Variants in ECPAS observed in about 807,000 individuals in gnomAD.
ECPAS encodes the protein proteasome adapter and scaffold protein ECM29.
Under a neutral mutation model 255.1 loss-of-function variants are expected in ECPAS, and 70 were observed. The observed-to-expected ratio is 0.27, with a 90% CI of 0.23 to 0.33. The LOEUF is 0.33. ECPAS is among the 10% of genes least tolerant of loss of function. ECPAS has a pLI of 1.00. For synonymous variants in ECPAS, 784 were observed against 775.0 expected (o/e 1.01, Z -0.19); for missense variants, 1,817 against 2,206.4 (o/e 0.82, Z 3.54).
intron 46 of ECPAS, among the ~76,000 whole-genome samples, chr9:111,368,087 A>G (rs1225849579): frequency 6.6e-6 from 1 of 151,952 alleles, no homozygotes; most frequent in African/African-American, 2.4e-5. Context: ...AGCAGGATGC[A>G]CTGTAGGACC....
chr9:111,465,546 A>G (rs1173654580), intron 2 of ECPAS, among the ~76,000 whole-genome samples: 1 of 152,054 alleles, frequency 6.6e-6, no homozygotes, highest in Non-Finnish European at 1.5e-5. Flanking sequence ...CTCCATGTCA[A>G]CATTACTCTC....
chr9:111,482,971 TC>T (rs1247139465), intron 1 of ECPAS, among the ~76,000 whole-genome samples: 5 of 152,220 alleles, frequency 3.3e-5, no homozygotes, highest in African/African-American at 1.2e-4. Flanking sequence ...CTCCTGCGGT[TC>T]GACCGGCGAC....
intron 31 of ECPAS, among the ~76,000 whole-genome samples, chr9:111,387,760 G>A (rs57861369): frequency 0.04 from 2,327 of 58,398 alleles, 72 homozygotes; most frequent in African/African-American, 0.14. Context: ...CTCACTCATC[G>A]TCAGTGCAGT....
chr9:111,399,893 G>C (rs1156409649), intron 24 of ECPAS, among the ~76,000 whole-genome samples: 1 of 152,264 alleles, frequency 6.6e-6, no homozygotes, highest in African/African-American at 2.4e-5. Flanking sequence ...CTTTGAAAAA[G>C]CATCAGCGGC....
At chr9:111,449,957 C>T (rs573090427) in intron 3 of ECPAS, among the ~76,000 whole-genome samples, 1 of 152,296 alleles carries the variant, frequency 6.6e-6, no homozygotes, top group African/African-American at 2.4e-5. Context: ...CTGGCTACTT[C>T]CTGCACACCA....
intron 5 of ECPAS, among the ~76,000 whole-genome samples, chr9:111,440,936 G>C (rs908361434): frequency 6.6e-6 from 1 of 151,964 alleles, no homozygotes; most frequent in African/African-American, 2.4e-5. Flanking sequence ...AGGCCGAGGC[G>C]GGCAGATGAC....
chr9:111,421,914 G>T lies in ECPAS; in HGVS notation c.1455+7C>A, dbSNP rs746228756. 6 of 1,613,038 alleles carry T rather than the reference G, an allele frequency of 3.7e-6. No individual in the cohort carries two copies. The highest frequency in any genetic ancestry group is 5.1e-6 in the Non-Finnish European group (6 of 1,179,630). On this transcript the variant is annotated splice_region_variant and intron_variant, in intron 15 of 49. Coordinates refer to ENST00000684092, the MANE Select transcript of ECPAS (RefSeq NM_001364929.1). Reference sequence around the variant, plus strand: ...CTACCCAGGCTTTGTAGTTCACACGGACCTACCTTTATTAAGTACGAAGCC... The same window carrying T: ...CTACCCAGGCTTTGTAGTTCACACGTACCTACCTTTATTAAGTACGAAGCC...
intron 12 of ECPAS, among the ~76,000 whole-genome samples, chr9:111,423,987 G>C (rs2098217943): frequency 6.6e-6 from 1 of 152,064 alleles, no homozygotes; most frequent in Admixed American, 6.6e-5. Flanking sequence ...GCAGGTAAGG[G>C]GACTCACACC....
intron 1 of ECPAS, among the ~76,000 whole-genome samples, chr9:111,482,065 C>CTACA (rs1341373775): frequency 2.0e-5 from 3 of 152,212 alleles, no homozygotes; most frequent in Non-Finnish European, 4.4e-5. Flanking sequence ...TCCCACTGAA[C>CTACA]TGTACACTTA....
At chr9:111,375,866 C>T (rs986841114) in intron 37 of ECPAS, among the ~76,000 whole-genome samples, 7 of 152,058 alleles carry the variant, frequency 4.6e-5, no homozygotes, top group African/African-American at 1.7e-4. Context: ...TGGATCTATA[C>T]CTTCAGAGTC....
At chr9:111,364,782 A>C (rs1205005344) in intron 48 of ECPAS, among the ~76,000 whole-genome samples, 1 of 152,230 alleles carries the variant, frequency 6.6e-6, no homozygotes, top group Non-Finnish European at 1.5e-5. Flanking sequence ...ACAGATGGAC[A>C]CTGTGTGCCT....
chr9:111,416,735 C>T (rs144873399), intron 17 of ECPAS, among the ~76,000 whole-genome samples: 336 of 152,228 alleles, frequency 2.2e-3, no homozygotes, highest in Non-Finnish European at 3.9e-3. Flanking sequence ...GAATCATGGC[C>T]GCTGCATACT....
In ECPAS at chr9:111,403,996, C is replaced by T. The variant is rs574327847; in HGVS notation, c.2652+4575G>A. 5.3e-5 allele frequency among the ~76,000 whole-genome samples: 8 copies of T among 149,656 alleles called. 1 individual carries two copies. The highest frequency in any genetic ancestry group is 2.1e-4 in the South Asian group (1 of 4,776). On this transcript the variant is annotated intron_variant, in intron 24 of 49. Transcript: ENST00000684092. The stretch of plus-strand genomic sequence containing the variant: ...AGAAATACATGGAAATTAAACAACA[C>T]GTTCCTGAACAACCAATGGATCTAT...
intron 21 of ECPAS, 160 bp downstream of exon 21, chr9:111,411,854 C>CT (rs1030090163): frequency 9.2e-5 from 55 of 595,836 alleles, no homozygotes; most frequent in African/African-American, 7.4e-4. Flanking sequence ...AGTGAGCTGA[C>CT]TGAACCAATG....
chr9:111,411,894 C>T, intron 21 of ECPAS, 120 bp downstream of exon 21: 2 of 901,328 alleles, frequency 2.2e-6, no homozygotes, highest in Non-Finnish European at 3.2e-6. Flanking sequence ...TCTTTATGGT[C>T]ATAAAAGCAA....
chr9:111,419,885 C>A, intron 16 of ECPAS, 132 bp downstream of exon 16: 1 of 613,194 alleles, frequency 1.6e-6, no homozygotes, highest in Non-Finnish European at 2.9e-6. Context: ...TATATCACAT[C>A]AAGAGCCATA....
chr9:111,430,275 G>A (rs2131841092), intron 9 of ECPAS, among the ~76,000 whole-genome samples: 1 of 152,158 alleles, frequency 6.6e-6, no homozygotes, highest in East Asian at 1.9e-4. Context: ...AGACCATAAG[G>A]CCTGCAAAGC....
At chr9:111,463,051 C>A (rs1362485544) in intron 2 of ECPAS, among the ~76,000 whole-genome samples, 1 of 152,192 alleles carries the variant, frequency 6.6e-6, no homozygotes, top group African/African-American at 2.4e-5. Flanking sequence ...CAACTACATT[C>A]ATGGATTTCC....
At position 111,383,303 on chromosome 9, in the gene ECPAS, T is replaced by C. The variant is rs2098142947; in HGVS notation, c.3711A>G (p.Lys1237=). 2 of 1,612,402 alleles carry C rather than the reference T, an allele frequency of 1.2e-6. No homozygotes were observed. The highest frequency in any genetic ancestry group is 1.7e-6 in the Non-Finnish European group (2 of 1,179,236). Residue 1237 remains lysine, a synonymous_variant, in exon 35 of 50, where the codon AAA becomes AAG. Coordinates refer to ENST00000684092, the MANE Select transcript of ECPAS (RefSeq NM_001364929.1). ...KVCVKMCDPA[K]GAAGQRTIAA... Reference sequence around the variant, plus strand: ...CGATGGTTCTCTGGCCAGCTGCTCCTTTGGCAGGGTCACACATTTTCACAC... The same window carrying C: ...CGATGGTTCTCTGGCCAGCTGCTCCCTTGGCAGGGTCACACATTTTCACAC...
Sources: allele counts gnomAD v4.1 joint callset (sites outside exome capture counted in the v4.1 genomes callset), GRCh38; gene constraint gnomAD v4.1.1; transcripts MANE v1.5; gene names NCBI Gene and HGNC (gene_info 2026-07-23, HGNC 2026-07-21).